The following LARGE1 variants were observed in gnomAD, a reference collection of about 807,000 sequenced individuals.
LARGE1 encodes the protein xylosyl- and glucuronyltransferase LARGE1.
Under a neutral mutation model 87.6 loss-of-function variants are expected in LARGE1, and 43 were observed. The observed-to-expected ratio is 0.49, with a 90% CI of 0.38 to 0.63. The LOEUF (loss-of-function observed/expected upper bound fraction) is 0.63, where lower values mean the gene tolerates loss of function less well. LARGE1 is among the 30% of genes least tolerant of loss of function. LARGE1 has a pLI of 0.00. For missense variants in LARGE1, 802 were observed against 1,000.2 expected (o/e 0.80, Z 2.67); for synonymous variants, 434 against 394.6 (o/e 1.10, Z -1.18).
chr22:33,520,890 G>A (rs2071548796), intron 6 of LARGE1, among the ~76,000 whole-genome samples: 1 of 152,202 alleles, frequency 6.6e-6, no homozygotes, highest in Admixed American at 6.5e-5. Flanking sequence ...TCATTGCACT[G>A]ATCAGCACCT....
chr22:33,205,271 A>T (rs1159322636), intron 11 of LARGE1, among the ~76,000 whole-genome samples: 1 of 152,244 alleles, frequency 6.6e-6, no homozygotes, highest in South Asian at 2.1e-4. Context: ...CACTAAAAAA[A>T]TAAAAAATAC....
intron 1 of LARGE1, among the ~76,000 whole-genome samples, chr22:33,886,738 A>G (rs769049328): frequency 6.6e-6 from 1 of 151,780 alleles, no homozygotes; most frequent in Non-Finnish European, 1.5e-5. Flanking sequence ...AAGAGAAGAG[A>G]AAAACATGTA....
intron 1 of LARGE1, among the ~76,000 whole-genome samples, chr22:33,874,632 C>T (rs62227815): frequency 2.0e-5 from 3 of 152,086 alleles, no homozygotes; most frequent in Non-Finnish European, 4.4e-5. Context: ...ACACTATTTC[C>T]ACCCAACGAT....
At chr22:33,337,530 C>G in intron 10 of LARGE1, 116 bp downstream of exon 10, 1 of 1,228,548 alleles carries the variant, frequency 8.1e-7, no homozygotes, top group South Asian at 1.3e-5. Context: ...GCACCGATGG[C>G]GTTGTGTTCA....
chr22:33,911,714 C>T (rs1397857741), intron 1 of LARGE1, among the ~76,000 whole-genome samples: 1 of 152,178 alleles, frequency 6.6e-6, no homozygotes, highest in Non-Finnish European at 1.5e-5. Flanking sequence ...CCTACAAACT[C>T]GGAGGAAAGA....
chr22:33,365,347 T>C (rs1379124766), intron 9 of LARGE1, among the ~76,000 whole-genome samples: 1 of 152,204 alleles, frequency 6.6e-6, no homozygotes, highest in Admixed American at 6.5e-5. Flanking sequence ...ATGGGTGACA[T>C]AACAGACCAC....
At chr22:33,155,830 T>C in the LARGE1 span, among the ~76,000 whole-genome samples, 3 of 151,904 alleles carry the variant, frequency 2.0e-5, no homozygotes, top group African/African-American at 7.3e-5. Context: ...GAGGGAAAAA[T>C]GGTTTCATGT....
chr22:33,719,318 T>C (rs960964199), intron 2 of LARGE1, among the ~76,000 whole-genome samples: 1 of 152,062 alleles, frequency 6.6e-6, no homozygotes, highest in Non-Finnish European at 1.5e-5. Flanking sequence ...CAAAACAGTT[T>C]TACAAATTTA....
chr22:33,228,833 G>T lies in LARGE1; in HGVS notation c.1731-62001C>A, dbSNP rs561652660. 1.7e-4 allele frequency among the ~76,000 whole-genome samples: 26 copies of T among 152,222 alleles called. No homozygotes were observed. In the South Asian group the frequency reaches 5.4e-3, roughly 32 times the overall value. ...CACAGTAGGTAGGAGATTTGGCCTG[G>T]GGAGGTGAGAGGGTGGAGAGATAGA... On this transcript the variant is annotated intron_variant, in intron 11 of 11. Transcript: ENST00000608642.
At chr22:33,127,833 A>G in the LARGE1 span, among the ~76,000 whole-genome samples, 1 of 152,230 alleles carries the variant, frequency 6.6e-6, no homozygotes, top group African/African-American at 2.4e-5. Context: ...TGAATTTCCT[A>G]GAGTCATAGA....
intron 1 of LARGE1, among the ~76,000 whole-genome samples, chr22:33,784,750 A>C (rs1024315020): frequency 3.3e-5 from 5 of 151,988 alleles, no homozygotes; most frequent in African/African-American, 1.2e-4. Context: ...GTACATAAAC[A>C]ATATATATAC....
At chr22:33,552,246 T>C (rs761824995) in intron 6 of LARGE1, among the ~76,000 whole-genome samples, 2 of 152,190 alleles carry the variant, frequency 1.3e-5, no homozygotes, top group Non-Finnish European at 2.9e-5. Flanking sequence ...CTGGATTTAA[T>C]GCTGTTCTGC....
intron 7 of LARGE1, among the ~76,000 whole-genome samples, chr22:33,402,445 C>T (rs1246046730): frequency 6.6e-6 from 1 of 152,096 alleles, no homozygotes; most frequent in Non-Finnish European, 1.5e-5. Context: ...TTGGGAATGA[C>T]AGCAAGAATA....
At chr22:33,765,076 T>G (rs1361885701) in intron 1 of LARGE1, among the ~76,000 whole-genome samples, 1 of 152,202 alleles carries the variant, frequency 6.6e-6, no homozygotes, top group Non-Finnish European at 1.5e-5. Flanking sequence ...CACTTTTCTA[T>G]ATTTTTTTGC....
intron 1 of LARGE1, among the ~76,000 whole-genome samples, chr22:33,903,991 C>T (rs1046711349): frequency 6.6e-6 from 1 of 152,082 alleles, no homozygotes; most frequent in Non-Finnish European, 1.5e-5. Flanking sequence ...TTTATAGAGA[C>T]CTGTGGTCTC....
chr22:33,649,095 C>T (rs556657515), intron 3 of LARGE1, among the ~76,000 whole-genome samples: 2 of 152,264 alleles, frequency 1.3e-5, no homozygotes, highest in African/African-American at 4.8e-5. Flanking sequence ...TGACACATTC[C>T]TCGTTGGACA....
chr22:33,528,086 G>C (rs1408238591), intron 6 of LARGE1, among the ~76,000 whole-genome samples: 1 of 121,318 alleles, frequency 8.2e-6, no homozygotes, highest in Non-Finnish European at 1.6e-5. Context: ...GTACAGAGTA[G>C]ACATACCCAC....
intron 3 of LARGE1, among the ~76,000 whole-genome samples, chr22:33,646,119 C>G (rs1262351311): frequency 2.0e-5 from 3 of 152,088 alleles, no homozygotes; most frequent in African/African-American, 7.2e-5. Flanking sequence ...ATCATTCTGC[C>G]ATAAAGACAC....
chr22:33,227,605 C>T (rs1157261304), intron 11 of LARGE1, among the ~76,000 whole-genome samples: 1 of 152,198 alleles, frequency 6.6e-6, no homozygotes, highest in Non-Finnish European at 1.5e-5. Context: ...GCTCTTTCCA[C>T]TACACAGAAC....
Sources: gnomAD v4.1 joint callset for allele counts (sites outside exome capture counted in the v4.1 genomes callset) on GRCh38, gnomAD v4.1.1 for gene constraint, MANE v1.5 for transcripts, NCBI Gene and HGNC (gene_info 2026-07-23, HGNC 2026-07-21) for gene names.